Variants in PXDNL observed in about 807,000 individuals in gnomAD.
PXDNL encodes probable oxidoreductase PXDNL.
PXDNL carries 145 observed loss-of-function variants against 150.8 expected under a neutral mutation model. The ratio of observed to expected loss-of-function variants is 0.96; its 90% CI spans 0.84 to 1.10. PXDNL has a LOEUF of 1.10. Among genes scored for constraint, PXDNL ranks in the 50% least tolerant of loss-of-function variants. PXDNL has a pLI of 0.00. For missense variants in PXDNL, 2,087 were observed against 1,873.9 expected, an observed-to-expected ratio of 1.11 and a Z score of -2.10; for synonymous variants, 757 against 725.7, an observed-to-expected ratio of 1.04 and a Z score of -0.69.
chr8:51,553,130 G>C (rs1812527837), intron 4 of PXDNL, among the ~76,000 whole-genome samples: 1 of 152,218 alleles, frequency 6.6e-6, no homozygotes, highest in South Asian at 2.1e-4. Flanking sequence ...TCTGTGTCCT[G>C]CCTCCTGGAC....
chr8:51,452,292 G>T (rs1029612568), intron 10 of PXDNL, among the ~76,000 whole-genome samples: 2 of 152,050 alleles, frequency 1.3e-5, no homozygotes, highest in African/African-American at 4.8e-5. Flanking sequence ...ATAACGTTTG[G>T]GTCCTTTAAA....
At chr8:51,353,529 A>G (rs1292391617) in intron 19 of PXDNL, among the ~76,000 whole-genome samples, 1 of 152,114 alleles carries the variant, frequency 6.6e-6, no homozygotes, top group East Asian at 1.9e-4. Flanking sequence ...AATTCTCAGT[A>G]GCTATTTTCT....
intron 17 of PXDNL, among the ~76,000 whole-genome samples, chr8:51,384,191 C>T (rs1385049985): frequency 1.3e-5 from 2 of 152,134 alleles, no homozygotes; most frequent in Non-Finnish European, 2.9e-5. Context: ...CCCTTGTGTA[C>T]TCTCACACAG....
At chr8:51,771,462 C>T (rs748780765) in intron 1 of PXDNL, among the ~76,000 whole-genome samples, 3 of 152,206 alleles carry the variant, frequency 2.0e-5, no homozygotes, top group Non-Finnish European at 4.4e-5. Flanking sequence ...CGCGGTGACA[C>T]GCAAAGTGCC....
chr8:51,722,467 C>T (rs1277217517), intron 1 of PXDNL, among the ~76,000 whole-genome samples: 1 of 152,256 alleles, frequency 6.6e-6, no homozygotes, highest in Non-Finnish European at 1.5e-5. Flanking sequence ...TGTTAACCAA[C>T]TCAGTGCCCT....
chr8:51,509,918 A>G (rs1467454452), intron 4 of PXDNL, among the ~76,000 whole-genome samples: 1 of 152,034 alleles, frequency 6.6e-6, no homozygotes, highest in Non-Finnish European at 1.5e-5. Flanking sequence ...CTTCCCTGCT[A>G]GAATGTTAGC....
At chr8:51,750,867 GC>G (rs1309563449) in intron 1 of PXDNL, among the ~76,000 whole-genome samples, 1 of 152,170 alleles carries the variant, frequency 6.6e-6, no homozygotes, top group Non-Finnish European at 1.5e-5. Context: ...TGGGGGCCTT[GC>G]CATGTATCCC....
intron 4 of PXDNL, among the ~76,000 whole-genome samples, chr8:51,534,254 C>T (rs192194810): frequency 0.074 from 10,266 of 138,978 alleles, 642 homozygotes; most frequent in South Asian, 0.11. Flanking sequence ...CTGGCAACCG[C>T]CCCGTCTGAG....
chr8:51,746,515 G>A (rs2036986107), intron 1 of PXDNL, among the ~76,000 whole-genome samples: 1 of 152,148 alleles, frequency 6.6e-6, no homozygotes, highest in Non-Finnish European at 1.5e-5. Context: ...ATAAGGAGGG[G>A]AAACTGAGCA....
chr8:51,464,719 G>A (rs547977165), intron 8 of PXDNL, among the ~76,000 whole-genome samples: 3 of 152,214 alleles, frequency 2.0e-5, no homozygotes, highest in South Asian at 2.1e-4. Context: ...GGCCTGTCGC[G>A]GGGTGGGGAG....
At chr8:51,498,272 G>C (rs1811103851) in intron 5 of PXDNL, among the ~76,000 whole-genome samples, 1 of 140,262 alleles carries the variant, frequency 7.1e-6, no homozygotes, top group Admixed American at 7.3e-5. Context: ...CACACACCGG[G>C]GCCTGTTGTG....
chr8:51,586,937 C>T (rs778126424), intron 3 of PXDNL, among the ~76,000 whole-genome samples: 1 of 152,142 alleles, frequency 6.6e-6, no homozygotes, highest in Non-Finnish European at 1.5e-5. Flanking sequence ...AATAAATTTC[C>T]TCTTTAAATG....
rs1429669325 is a variant in PXDNL at position 51,350,411 on chromosome 8, G to T, written c.3902-4464C>A. Among the ~76,000 whole-genome samples, 40 of 139,128 alleles carry T rather than the reference G, an allele frequency of 2.9e-4. 1 individual carries two copies. In the Admixed American group the frequency reaches 3.0e-3, roughly 10 times the overall value. The allele number at this position is 139,128 out of a possible 152,430, so 91.3% of individuals were successfully genotyped here. ...TTTCACTCTTGTCGCCCAGGCTAGA[G>T]TACAATGATGCGATCTCGGCTAACT... On this transcript the variant is annotated intron_variant, in intron 19 of 22. Transcript: ENST00000356297.
chr8:51,524,903 A>G (rs953748434), intron 4 of PXDNL, among the ~76,000 whole-genome samples: 4 of 152,214 alleles, frequency 2.6e-5, no homozygotes. Flanking sequence ...GAACAAGCTT[A>G]AGGTTAGAAA....
intron 17 of PXDNL, among the ~76,000 whole-genome samples, chr8:51,407,604 A>T (rs1347661129): frequency 6.6e-6 from 1 of 152,208 alleles, no homozygotes; most frequent in Non-Finnish European, 1.5e-5. Context: ...GCAGTGAAAA[A>T]GCCCTAACTT....
At chr8:51,432,318 A>G (rs896496946) in intron 12 of PXDNL, among the ~76,000 whole-genome samples, 2 of 152,170 alleles carry the variant, frequency 1.3e-5, no homozygotes, top group African/African-American at 4.8e-5. Flanking sequence ...AGCCAACCAT[A>G]CAATATGTTA....
intron 1 of PXDNL, among the ~76,000 whole-genome samples, chr8:51,692,848 GC>G (rs1290253743): frequency 1.3e-5 from 2 of 152,192 alleles, no homozygotes; most frequent in Non-Finnish European, 2.9e-5. Context: ...TGGAAAACAT[GC>G]CCTAGCAGAG....
At position 51,424,223 on chromosome 8, in the gene PXDNL, G is replaced by A. The variant is rs978308324; in HGVS notation, c.1639-492C>T. On this transcript the variant is annotated intron_variant, in intron 13 of 22. Coordinates refer to ENST00000356297, the MANE Select transcript of PXDNL (RefSeq NM_144651.5). ...ACAAAAAAAAATAGAACAAAAGTCA[G>A]CCAGGCATGGTAGTGTGTGCCTGTA... Among the ~76,000 whole-genome samples, 17 of 152,116 alleles carry A rather than the reference G, an allele frequency of 1.1e-4. No homozygotes were observed. The East Asian group carries it at 2.5e-3, about 23-fold the overall frequency.
chr8:51,664,251 T>G (rs1815335215), intron 1 of PXDNL, among the ~76,000 whole-genome samples: 1 of 152,112 alleles, frequency 6.6e-6, no homozygotes, highest in African/African-American at 2.4e-5. Context: ...TGTCTTTCAC[T>G]TGGAAACAAG....
Sources: gnomAD v4.1 joint callset for allele counts (sites outside exome capture counted in the v4.1 genomes callset) on GRCh38, gnomAD v4.1.1 for gene constraint, MANE v1.5 for transcripts, NCBI Gene and HGNC (gene_info 2026-07-23, HGNC 2026-07-21) for gene names.